The following MAP10 variants were observed in gnomAD, a reference collection of about 807,000 sequenced individuals.
The protein encoded by MAP10 is microtubule-associated protein 10.
A neutral mutation model predicts 6.3 loss-of-function variants in MAP10; 10 were observed. The ratio of observed to expected loss-of-function variants is 1.58; its 90% confidence interval spans 0.98 to 2.69. The LOEUF (loss-of-function observed/expected upper bound fraction) is 2.69. Ranked by LOEUF, MAP10 falls within the 30% of genes most tolerant of loss-of-function variation. The probability of loss-of-function intolerance (pLI) is 0.00; values close to 1 mark genes in which losing one functional copy is unlikely to be tolerated. For missense variants in MAP10, 1,189 were observed against 1,086.5 expected (o/e 1.09, Z -1.33); for synonymous variants, 459 against 429.3 (o/e 1.07, Z -0.86).
chr1:232,808,289 T>G lies in MAP10; in HGVS notation c.*122T>G. The G allele has an allele frequency of 4.5e-4, 232 of 510,716 alleles. No individual in the cohort carries two copies. Among genetic ancestry groups the G allele is most frequent in the Middle Eastern group, 1.1e-3 (2 of 1,780 alleles). 31.6% of individuals were successfully genotyped at this position (510,716 alleles called of 1,614,324 possible). A position where few individuals can be genotyped will look rare whatever the true frequency, so the allele number is the denominator to read the frequency against. The stretch of plus-strand genomic sequence containing the variant: ...TTTAAAGAAATATGAATTAACGTTA[T>G]TCCTTTGATGTTTAAATGGTATTTT... On this transcript the variant is annotated 3_prime_UTR_variant, in exon 1 of 1. Transcript: ENST00000418460.
Position 232,808,650 on chromosome 1 carries a change from A to G in MAP10, c.*483A>G, listed in dbSNP as rs1373485293. Among the ~76,000 whole-genome samples the G allele has an allele frequency of 1.3e-5, 2 of 152,304 alleles. No individual in the cohort carries two copies. Among genetic ancestry groups the G allele is most frequent in the South Asian group, 2.1e-4 (1 of 4,830 alleles). On this transcript the variant is annotated 3_prime_UTR_variant, in exon 1 of 1. Coordinates refer to ENST00000418460, the MANE Select transcript of MAP10 (RefSeq NM_019090.3). ...AGATAAGAAGTCTTCCTTGACATAT[A>G]CATATCCCATATCCCCAATAGGTGA...
rs756241535 is a variant in MAP10, at chr1:232,807,344, C to T, written c.1895C>T (p.Pro632Leu). Residue 632 changes from proline to leucine, a missense_variant, in exon 1 of 1, where the codon CCT (proline) becomes CTT (leucine). Physicochemically the swap from Pro to Leu is moderately conservative, Grantham distance 98. Coordinates refer to ENST00000418460, the MANE Select transcript of MAP10 (RefSeq NM_019090.3). ...ANSIIPERLT[P>L]TNILGGNVEM... ...TCCATTATTCCAGAAAGGCTTACCC[C>T]TACAAATATTCTGGGAGGAAATGTG... 5 of 1,613,736 alleles carry T rather than the reference C, an allele frequency of 3.1e-6. No homozygotes were observed. Among genetic ancestry groups the T allele is most frequent in the Middle Eastern group, 3.3e-4 (2 of 6,082 alleles).
Position 232,808,260 on chromosome 1 carries a change from A to AT in MAP10, c.*99dup. Reference sequence around the variant, plus strand: ...TTTTAGTTCATGAATTATGTGAATAATTTTTTAAAGAAATATGAATTAACG... The same window carrying AT: ...TTTTAGTTCATGAATTATGTGAATAATTTTTTTAAAGAAATATGAATTAACG... On this transcript the variant is annotated 3_prime_UTR_variant, in exon 1 of 1. Transcript: ENST00000418460. 1.4e-6 allele frequency: 1 copy of AT among 724,346 alleles called. No individual in the cohort carries two copies. Among genetic ancestry groups the AT allele is most frequent in the Non-Finnish European group, 2.1e-6 (1 of 483,416 alleles). The allele number at this position is 724,346 out of a possible 1,614,324, so 44.9% of individuals were successfully genotyped here. A position where few individuals can be genotyped will look rare whatever the true frequency, so the allele number is the denominator to read the frequency against.
rs1317191120 is a variant in MAP10 at position 232,809,708 on chromosome 1, TATATC to T, written c.*1543_*1547del. Among the ~76,000 whole-genome samples, 2 of 152,060 alleles carry T rather than the reference TATATC, an allele frequency of 1.3e-5. No homozygotes were observed. The highest frequency in any genetic ancestry group is 2.9e-5 in the Non-Finnish European group (2 of 67,932). On this transcript the variant is annotated 3_prime_UTR_variant, in exon 1 of 1. Transcript: ENST00000418460. The stretch of plus-strand genomic sequence containing the variant: ...TATTGAAAATAATAAGCAGAGAAAT[TATATC>T]AGTTAAAGTTTTGAGATATGAAAGG...
Position 232,806,719 on chromosome 1 carries a change from G to A in MAP10, c.1270G>A (p.Ala424Thr). ...TSPAHIHPHLAWLYRTEDKKS... is the reference protein window; with the variant it reads ...TSPAHIHPHLTWLYRTEDKKS... The stretch of plus-strand genomic sequence containing the variant: ...TCCTGCTCATATACATCCTCACCTA[G>A]CCTGGTTATATAGGACTGAGGATAA... The change falls in exon 1 of 1, where the codon GCC becomes ACC. Residue 424 changes from alanine (A) to threonine (T), a missense_variant. Physicochemically the swap from Ala to Thr is moderately conservative, Grantham distance 58. Coordinates refer to ENST00000418460, the MANE Select transcript of MAP10 (RefSeq NM_019090.3). 1 of 1,613,790 alleles carries A rather than the reference G, an allele frequency of 6.2e-7. No individual in the cohort carries two copies. Among genetic ancestry groups the A allele is most frequent in the Non-Finnish European group, 8.5e-7 (1 of 1,179,894 alleles).
At position 232,805,445 on chromosome 1, in the gene MAP10, C is replaced by T. The variant is rs747985701; in HGVS notation, c.-5C>T. 9.9e-6 allele frequency: 16 copies of T among 1,611,188 alleles called. No individual in the cohort carries two copies. In the Middle Eastern group the frequency reaches 1.2e-3, roughly 123 times the overall value. Reference sequence around the variant, plus strand: ...CCCGCGGCGGCGTTTCCTGGGGCAACAGCAATGGCGGCCTCGCTGTCCGAG... The same window carrying T: ...CCCGCGGCGGCGTTTCCTGGGGCAATAGCAATGGCGGCCTCGCTGTCCGAG... On this transcript the variant is annotated 5_prime_UTR_variant, in exon 1 of 1. Coordinates refer to ENST00000418460, the MANE Select transcript of MAP10 (RefSeq NM_019090.3).
chr1:232,805,576 G>C lies in MAP10; in HGVS notation c.127G>C (p.Glu43Gln), dbSNP rs1666080463. The change falls in exon 1 of 1, where the codon GAG (glutamate) becomes CAG (glutamine). Residue 43 changes from glutamate to glutamine, a missense_variant. Transcript: ENST00000418460. Reference sequence around the variant, plus strand: ...GCAGGAGGAGGAAGAGGAGGAAAAGGAGCAGGGGGAGGCCTCGTCGCCGCG... The same window carrying C: ...GCAGGAGGAGGAAGAGGAGGAAAAGCAGCAGGGGGAGGCCTCGTCGCCGCG... Reference protein sequence around the residue: ...VEQEEEEEEKEQGEASSPRGL... With the variant: ...VEQEEEEEEKQQGEASSPRGL... The C allele has an allele frequency of 1.3e-6, 2 of 1,556,244 alleles. No individual in the cohort carries two copies. The highest frequency in any genetic ancestry group is 1.7e-6 in the Non-Finnish European group (2 of 1,151,496).
chr1:232,807,934 ATC>A, the MAP10 span: 1 of 1,613,096 alleles, frequency 6.2e-7, no homozygotes, highest in South Asian at 1.1e-5. Context: ...AGCTCAAGAC[ATC>A]TCTGTTAAAA....
At position 232,807,766 on chromosome 1, in the gene MAP10, C is replaced by G. The variant is rs373595900; in HGVS notation, c.2317C>G (p.His773Asp). Reference protein sequence around the residue: ...SPPFSAGSPVHSYRKFHISKT... With the variant: ...SPPFSAGSPVDSYRKFHISKT... ...ACCTTTTTCAGCCGGGTCACCTGTA[C>G]ACTCATACAGAAAATTTCATATTTC... The change falls in exon 1 of 1, where the codon CAC becomes GAC. Residue 773 changes from histidine (H) to aspartate (D), a missense_variant. Coordinates refer to ENST00000418460, the MANE Select transcript of MAP10 (RefSeq NM_019090.3). The G allele has an allele frequency of 6.2e-7, 1 of 1,613,446 alleles. No homozygotes were observed. Among genetic ancestry groups the G allele is most frequent in the Non-Finnish European group, 8.5e-7 (1 of 1,179,734 alleles).
rs975066815 is a variant in MAP10 at position 232,808,851 on chromosome 1, G to A, written c.*684G>A. Among the ~76,000 whole-genome samples the A allele has an allele frequency of 1.3e-5, 2 of 152,056 alleles. No homozygotes were observed. Among genetic ancestry groups the A allele is most frequent in the Non-Finnish European group, 2.9e-5 (2 of 67,966 alleles). ...GCACAATTCCTGGCATGTGGCTGCA[G>A]TGCAATAAAAACATTTGTTGAAAAA... is the stretch of plus-strand genomic sequence containing the variant. On this transcript the variant is annotated 3_prime_UTR_variant, in exon 1 of 1. Transcript: ENST00000418460.
chr1:232,807,532 A>G lies in MAP10; in HGVS notation c.2083A>G (p.Ile695Val), dbSNP rs775295640. The change falls in exon 1 of 1, where the codon ATC becomes GTC. Residue 695 changes from isoleucine (I) to valine (V), a missense_variant. Ile to Val is a conservative substitution (Grantham distance 29, BLOSUM62 3). Coordinates refer to ENST00000418460, the MANE Select transcript of MAP10 (RefSeq NM_019090.3). ...AGGTAAAAATAGTTGCTATGAAAAC[A>G]TCTCAGAACTGAAGTATTCAGATGA... ...RTGKNSCYEN[I>V]SELKYSDDLS... 8.1e-6 allele frequency: 13 copies of G among 1,613,740 alleles called. No homozygotes were observed. The highest frequency in any genetic ancestry group is 1.1e-5 in the Non-Finnish European group (13 of 1,179,784).
In MAP10 at chr1:232,806,416, A is replaced by G. The variant is rs1430773822; in HGVS notation, c.967A>G (p.Ile323Val). Residue 323 changes from isoleucine (I) to valine (V), a missense_variant, in exon 1 of 1, where the codon ATT (isoleucine) becomes GTT (valine). By Grantham distance (29) the Ile-to-Val change is conservative. Coordinates refer to ENST00000418460, the MANE Select transcript of MAP10 (RefSeq NM_019090.3). ...GCCCCCTGCACAGGCTAAAATCACC[A>G]TTGAGCCTCAAATGAATGCACCTGA... ...KPPPAQAKIT[I>V]EPQMNAPEEM... 1.9e-5 allele frequency: 30 copies of G among 1,613,770 alleles called. No homozygotes were observed. Among genetic ancestry groups the G allele is most frequent in the Non-Finnish European group, 2.4e-5 (28 of 1,179,886 alleles).
rs907198061 is a variant in MAP10, at chr1:232,806,634, G to T, written c.1185G>T (p.Leu395Phe). ...ATCGAATTAATACAATAAGGCAGTT[G>T]CCTTTGTTAAATGCTTTGTTAGTTG... The part of the protein sequence containing the change: ...EQNRINTIRQ[L>F]PLLNALLVEL... The change falls in exon 1 of 1, where the codon TTG becomes TTT. Residue 395 changes from leucine to phenylalanine, a missense_variant. Transcript: ENST00000418460. 1.2e-6 allele frequency: 2 copies of T among 1,613,930 alleles called. No individual in the cohort carries two copies. Among genetic ancestry groups the T allele is most frequent in the Non-Finnish European group, 1.7e-6 (2 of 1,179,878 alleles).
rs2102965486 is a variant in MAP10, at chr1:232,809,474, G to T, written c.*1307G>T. 6.6e-6 allele frequency among the ~76,000 whole-genome samples: 1 copy of T among 152,026 alleles called. No homozygotes were observed. Among genetic ancestry groups the T allele is most frequent in the South Asian group, 2.1e-4 (1 of 4,816 alleles). ...TGGGAATGAGCCTGATATATTTATG[G>T]GACAATTTAAAATATTATCTTGAAT... On this transcript the variant is annotated 3_prime_UTR_variant, in exon 1 of 1. Transcript: ENST00000418460.
chr1:232,805,590 C>T lies in MAP10; in HGVS notation c.141C>T (p.Ala47=). The T allele has an allele frequency of 1.9e-6, 3 of 1,556,124 alleles. No individual in the cohort carries two copies. The highest frequency in any genetic ancestry group is 1.7e-6 in the Non-Finnish European group (2 of 1,152,290). ...AGGAGGAAAAGGAGCAGGGGGAGGC[C>T]TCGTCGCCGCGCGGTCTGTGCCCCG... ...EEEEEKEQGE[A]SSPRGLCPAV... The change falls in exon 1 of 1, where the codon GCC becomes GCT. Residue 47 remains alanine (A), a synonymous_variant. Transcript: ENST00000418460.
Position 232,805,650 on chromosome 1 carries a change from G to A in MAP10, c.201G>A (p.Leu67=). ...VAFRLLDFPT[L]LVYPPDGPGA... is the part of the protein sequence containing the mutation. Reference sequence around the variant, plus strand: ...TCCGCCTGCTGGACTTCCCCACGCTGTTGGTTTACCCTCCTGACGGCCCCG... The same window carrying A: ...TCCGCCTGCTGGACTTCCCCACGCTATTGGTTTACCCTCCTGACGGCCCCG... Residue 67 remains leucine (L), a synonymous_variant, in exon 1 of 1, where the codon CTG becomes CTA. Coordinates refer to ENST00000418460, the MANE Select transcript of MAP10 (RefSeq NM_019090.3). 1.9e-6 allele frequency: 3 copies of A among 1,590,602 alleles called. No individual in the cohort carries two copies. Among genetic ancestry groups the A allele is most frequent in the African/African-American group, 1.3e-5 (1 of 74,496 alleles).
chr1:232,805,423 G>A lies in MAP10; in HGVS notation c.-27G>A, dbSNP rs1178254434. 1.9e-6 allele frequency: 3 copies of A among 1,612,724 alleles called. No homozygotes were observed. The highest frequency in any genetic ancestry group is 1.1e-5 in the South Asian group (1 of 90,946). ...CTTCAGCTTCTCGTTTGCGGAGCCC[G>A]CGGCGGCGTTTCCTGGGGCAACAGC... On this transcript the variant is annotated 5_prime_UTR_variant, in exon 1 of 1. Coordinates refer to ENST00000418460, the MANE Select transcript of MAP10 (RefSeq NM_019090.3).
Position 232,806,591 on chromosome 1 carries a change from C to T in MAP10, c.1142C>T (p.Thr381Ile). The T allele has an allele frequency of 6.2e-7, 1 of 1,613,916 alleles. No homozygotes were observed. The highest frequency in any genetic ancestry group is 8.5e-7 in the Non-Finnish European group (1 of 1,179,840). Reference sequence around the variant, plus strand: ...CAGAATATAGGAGCAACTAATCAAACATGTCAAACTGAACAAAATCGAATT... The same window carrying T: ...CAGAATATAGGAGCAACTAATCAAATATGTCAAACTGAACAAAATCGAATT... ...HIQNIGATNQ[T>I]CQTEQNRINT... The change falls in exon 1 of 1, where the codon ACA (threonine) becomes ATA (isoleucine). Residue 381 changes from threonine to isoleucine, a missense_variant. By Grantham distance (89) the Thr-to-Ile change is moderately conservative. Coordinates refer to ENST00000418460, the MANE Select transcript of MAP10 (RefSeq NM_019090.3).
At position 232,805,624 on chromosome 1, in the gene MAP10, T is replaced by G. The variant is rs1283904929; in HGVS notation, c.175T>G (p.Phe59Val). Residue 59 changes from phenylalanine to valine, a missense_variant, in exon 1 of 1, where the codon TTC (phenylalanine) becomes GTC (valine). By Grantham distance (50) the Phe-to-Val change is conservative (BLOSUM62 -1). Transcript: ENST00000418460. ...SPRGLCPAVA[F>V]RLLDFPTLLV... ...GCGCGGTCTGTGCCCCGCCGTGGCC[T>G]TCCGCCTGCTGGACTTCCCCACGCT... 1 of 1,571,622 alleles carries G rather than the reference T, an allele frequency of 6.4e-7. No homozygotes were observed. The highest frequency in any genetic ancestry group is 8.6e-7 in the Non-Finnish European group (1 of 1,161,726).
Sources: gnomAD v4.1 joint callset for allele counts (sites outside exome capture counted in the v4.1 genomes callset) on GRCh38, gnomAD v4.1.1 for gene constraint, MANE v1.5 for transcripts, NCBI Gene and HGNC (gene_info 2026-07-23, HGNC 2026-07-21) for gene names.